The following MTA3 variants were observed in gnomAD, a reference collection of about 807,000 sequenced individuals.
MTA3 encodes the protein metastasis-associated protein MTA3.
A neutral mutation model predicts 83.5 loss-of-function variants in MTA3; 34 were observed. That is an observed-to-expected ratio of 0.41 (90% confidence interval 0.31 to 0.54). MTA3 has a LOEUF of 0.54. Ranked by LOEUF, MTA3 falls within the 20% of genes least tolerant of loss-of-function variation. The pLI is 0.33. For synonymous variants in MTA3, 303 were observed against 252.7 expected (o/e 1.20, Z -1.89); for missense variants, 761 against 726.4 (o/e 1.05, Z -0.55).
At chr2:42,543,103 A>G (rs925472661) in intron 2 of MTA3, among the ~76,000 whole-genome samples, 1 of 151,884 alleles carries the variant, frequency 6.6e-6, no homozygotes, top group African/African-American at 2.4e-5. Context: ...TGCTGATTCC[A>G]TTTCTCTGTG....
Position 42,568,638 on chromosome 2 carries a change from A to C in MTA3, c.-108A>C. On this transcript the variant is annotated 5_prime_UTR_variant, in exon 1 of 17. Transcript: ENST00000405094. Reference sequence around the variant, plus strand: ...CTTCCCTCCCTTCCCCCCCGTGGCGAGGCAGCAGCGACGGCGGCGGCGGCA... The same window carrying C: ...CTTCCCTCCCTTCCCCCCCGTGGCGCGGCAGCAGCGACGGCGGCGGCGGCA... The C allele has an allele frequency of 1.4e-5, 4 of 279,300 alleles. No homozygotes were observed. The highest frequency in any genetic ancestry group is 2.1e-5 in the Non-Finnish European group (4 of 189,098). 17.3% of individuals were successfully genotyped at this position (279,300 alleles called of 1,614,324 possible).
chr2:42,567,199 C>G (rs754921917), upstream of MTA3, among the ~76,000 whole-genome samples: 1 of 152,196 alleles, frequency 6.6e-6, no homozygotes, highest in Non-Finnish European at 1.5e-5. Flanking sequence ...CCCTGGTTTA[C>G]AAAGCATTTT....
Position 42,644,132 on chromosome 2 carries a change from C to T in MTA3, c.387C>T (p.Thr129=), listed in dbSNP as rs368210494. 1.0e-5 allele frequency: 16 copies of T among 1,586,564 alleles called. No homozygotes were observed. The East Asian group carries it at 1.1e-4, about 11-fold the overall frequency. The change falls in exon 6 of 17, where the codon ACC becomes ACT. Residue 129 remains threonine (T), a synonymous_variant. Coordinates refer to ENST00000405094, the MANE Select transcript of MTA3 (RefSeq NM_001330442.2). ...TATTTTGTCATATTTTTCAGGATAC[C>T]TTCTTCTACTCATTGGTCTATGACC... is the stretch of plus-strand genomic sequence containing the variant. ...SVLSYLDKED[T]FFYSLVYDPS...
In MTA3 at chr2:42,709,367, A is replaced by G. The variant is rs982449965; in HGVS notation, c.1525+271A>G. On this transcript the variant is annotated intron_variant, in intron 14 of 16. Coordinates refer to ENST00000405094, the MANE Select transcript of MTA3 (RefSeq NM_001330442.2). ...GATTGGTGGGAGGTGATCCTATTCCATGGGGTTTTGTGATGGAATTGCCTG... is the reference window on the plus strand; with the variant it reads ...GATTGGTGGGAGGTGATCCTATTCCGTGGGGTTTTGTGATGGAATTGCCTG... 8 of 1,197,236 alleles carry G rather than the reference A, an allele frequency of 6.7e-6. No individual in the cohort carries two copies. The Admixed American group carries it at 2.0e-4, about 31-fold the overall frequency. 74.2% of individuals were successfully genotyped at this position (1,197,236 alleles called of 1,614,324 possible).
chr2:42,497,253 G>T (rs1032209600), intron 2 of MTA3, among the ~76,000 whole-genome samples: 1 of 151,688 alleles, frequency 6.6e-6, no homozygotes, highest in African/African-American at 2.4e-5. Flanking sequence ...AACCTAAAAG[G>T]AGTATATAAA....
upstream of MTA3, among the ~76,000 whole-genome samples, chr2:42,566,834 G>A (rs1055866175): frequency 7.9e-5 from 12 of 152,210 alleles, no homozygotes; most frequent in African/African-American, 2.9e-4. Flanking sequence ...TTTTGTACTT[G>A]GAGAAACACT....
intron 2 of MTA3, among the ~76,000 whole-genome samples, chr2:42,510,414 G>A (rs541524872): frequency 1.8e-4 from 28 of 151,674 alleles, no homozygotes; most frequent in African/African-American, 6.8e-4. Flanking sequence ...AGATGCTTTA[G>A]TCAGAAAAGT....
rs191249989 is a variant in MTA3, at chr2:42,625,321, C to T, written c.318-14852C>T. Among the ~76,000 whole-genome samples, 144 of 151,750 alleles carry T rather than the reference C, an allele frequency of 9.5e-4. 4 individuals carry two copies. Among genetic ancestry groups the T allele is most frequent in the African/African-American group, 3.2e-3 (133 of 41,126 alleles). The stretch of plus-strand genomic sequence containing the variant: ...TGTTGGGATTACAGGCGTGAGCCAC[C>T]GTGCCTGGCCGTTTTCTCATATTTT... On this transcript the variant is annotated intron_variant, in intron 4 of 16. Coordinates refer to ENST00000405094, the MANE Select transcript of MTA3 (RefSeq NM_001330442.2).
At chr2:42,557,586 C>A (rs1214156542) in intron 2 of MTA3, among the ~76,000 whole-genome samples, 1 of 152,188 alleles carries the variant, frequency 6.6e-6, no homozygotes, top group Non-Finnish European at 1.5e-5. Context: ...CCTGACCTGG[C>A]TTTGTAAAAG....
intron 4 of MTA3, among the ~76,000 whole-genome samples, chr2:42,611,345 T>A (rs114162147): frequency 2.0e-5 from 1 of 50,866 alleles, no homozygotes; most frequent in African/African-American, 9.9e-5. Flanking sequence ...ACACACCCCC[T>A]CACACACATG....
At chr2:42,544,003 C>T (rs749121140) in intron 2 of MTA3, among the ~76,000 whole-genome samples, 2 of 151,998 alleles carry the variant, frequency 1.3e-5, no homozygotes, top group African/African-American at 2.4e-5. Context: ...CATCTTTAAA[C>T]TAGAAAGACA....
At chr2:42,523,660 C>G (rs1675533711) in intron 2 of MTA3, among the ~76,000 whole-genome samples, 1 of 152,134 alleles carries the variant, frequency 6.6e-6, no homozygotes, top group Non-Finnish European at 1.5e-5. Context: ...TGCTTGTAAC[C>G]CCAGCACTTT....
chr2:42,547,995 T>A (rs1676837295), intron 2 of MTA3, among the ~76,000 whole-genome samples: 1 of 152,208 alleles, frequency 6.6e-6, no homozygotes, highest in East Asian at 1.9e-4. Context: ...CATATTTAGT[T>A]AGCTTTAAAG....
intron 9 of MTA3, among the ~76,000 whole-genome samples, chr2:42,694,863 G>A (rs1233749649): frequency 6.6e-6 from 1 of 152,134 alleles, no homozygotes; most frequent in East Asian, 1.9e-4. Flanking sequence ...TATCAGGGCT[G>A]GTCACGGTGG....
chr2:42,507,085 G>C (rs1475939396), intron 2 of MTA3, among the ~76,000 whole-genome samples: 2 of 152,056 alleles, frequency 1.3e-5, no homozygotes, highest in South Asian at 2.1e-4. Flanking sequence ...ATTTTTTGTA[G>C]AGAGAAGGTC....
chr2:42,713,697 C>T (rs538068459), intron 14 of MTA3, among the ~76,000 whole-genome samples: 1 of 152,244 alleles, frequency 6.6e-6, no homozygotes, highest in East Asian at 1.9e-4. Flanking sequence ...AACATACTGT[C>T]TATATTGCTC....
At chr2:42,658,275 T>C (rs1289636616) in intron 7 of MTA3, among the ~76,000 whole-genome samples, 1 of 152,046 alleles carries the variant, frequency 6.6e-6, no homozygotes, top group Non-Finnish European at 1.5e-5. Context: ...CTGTTTGCTG[T>C]CATCTAACAC....
chr2:42,528,364 C>A (rs2103713603), intron 2 of MTA3, among the ~76,000 whole-genome samples: 1 of 152,170 alleles, frequency 6.6e-6, no homozygotes, highest in Non-Finnish European at 1.5e-5. Flanking sequence ...GGATTACAGG[C>A]ACCTGCCACC....
chr2:42,718,997 G>C lies in MTA3; in HGVS notation c.1535G>C (p.Arg512Thr). The change falls in exon 15 of 17, where the codon AGA becomes ACA. Residue 512 changes from arginine to threonine, a missense_variant. Physicochemically the swap from Arg to Thr is moderately conservative, Grantham distance 71. Transcript: ENST00000405094. ...TTCTTTCTCTCCTCAGATGCAGACAGACATGCTGAACTATCTGGAAGTCCA... is the reference window on the plus strand; with the variant it reads ...TTCTTTCTCTCCTCAGATGCAGACACACATGCTGAACTATCTGGAAGTCCA... Reference protein sequence around the residue: ...YAAIRAEYADRHAELSGSPLK... With the variant: ...YAAIRAEYADTHAELSGSPLK... The C allele has an allele frequency of 2.6e-6, 4 of 1,550,116 alleles. No individual in the cohort carries two copies. Among genetic ancestry groups the C allele is most frequent in the Non-Finnish European group, 3.5e-6 (4 of 1,146,656 alleles).
Sources: allele counts gnomAD v4.1 joint callset (sites outside exome capture counted in the v4.1 genomes callset), GRCh38; gene constraint gnomAD v4.1.1; transcripts MANE v1.5; gene names NCBI Gene and HGNC (gene_info 2026-07-23, HGNC 2026-07-21).